KCNJ3: variants seen among roughly 807,000 people sequenced by gnomAD.
The protein encoded by KCNJ3 is G protein-activated inward rectifier potassium channel 1.
Under a neutral mutation model 39.2 loss-of-function variants are expected in KCNJ3, and 4 were observed. That is an observed-to-expected ratio of 0.10 (90% CI 0.05 to 0.23). The LOEUF is 0.23. KCNJ3 is among the 10% of genes least tolerant of loss of function. The pLI is 1.00. For synonymous variants in KCNJ3, 230 were observed against 237.4 expected (o/e 0.97, Z 0.29); for missense variants, 276 against 634.9 (o/e 0.43, Z 6.08).
intron 2 of KCNJ3, among the ~76,000 whole-genome samples, chr2:154,837,782 T>C (rs769589376): frequency 1.2e-4 from 19 of 152,210 alleles, no homozygotes; most frequent in Admixed American, 6.5e-5. Context: ...TGTTGACTGG[T>C]GATGCCTTTG....
At chr2:154,769,476 T>A (rs1371300892) in intron 2 of KCNJ3, among the ~76,000 whole-genome samples, 2 of 152,192 alleles carry the variant, frequency 1.3e-5, no homozygotes, top group Non-Finnish European at 2.9e-5. Flanking sequence ...TCTGTTTATA[T>A]GATGGATTAT....
chr2:154,755,262 T>C (rs1437096297), intron 2 of KCNJ3, among the ~76,000 whole-genome samples: 1 of 152,140 alleles, frequency 6.6e-6, no homozygotes, highest in Non-Finnish European at 1.5e-5. Context: ...TTGTTCTTTC[T>C]TCTACTTCTT....
chr2:154,756,895 G>A (rs1685946647), intron 2 of KCNJ3, among the ~76,000 whole-genome samples: 2 of 151,996 alleles, frequency 1.3e-5, no homozygotes, highest in Admixed American at 1.3e-4. Flanking sequence ...TGTAGAAAGA[G>A]CATAAGATAT....
chr2:154,792,817 T>G (rs1686658110), intron 2 of KCNJ3, among the ~76,000 whole-genome samples: 1 of 152,160 alleles, frequency 6.6e-6, no homozygotes, highest in Non-Finnish European at 1.5e-5. Context: ...TTTATCATGC[T>G]GTCAACCATA....
intron 2 of KCNJ3, among the ~76,000 whole-genome samples, chr2:154,734,658 T>TG (rs1398669036): frequency 6.6e-6 from 1 of 152,186 alleles, no homozygotes; most frequent in Non-Finnish European, 1.5e-5. Context: ...TCATGCCTAC[T>TG]GTTCTGTCCA....
chr2:154,800,401 A>G (rs539333776), intron 2 of KCNJ3, among the ~76,000 whole-genome samples: 2 of 152,256 alleles, frequency 1.3e-5, no homozygotes, highest in African/African-American at 4.8e-5. Context: ...GTAAATTCTC[A>G]TTAAGTATTT....
At chr2:154,727,609 A>AAG (rs929585113) in intron 2 of KCNJ3, among the ~76,000 whole-genome samples, 5 of 151,046 alleles carry the variant, frequency 3.3e-5, no homozygotes, top group East Asian at 1.9e-4. Flanking sequence ...AAAAAAAAAA[A>AAG]AGAGAGAAAA....
chr2:154,768,809 C>T (rs537561537), intron 2 of KCNJ3, among the ~76,000 whole-genome samples: 1 of 152,194 alleles, frequency 6.6e-6, no homozygotes, highest in East Asian at 1.9e-4. Context: ...TTGATTCTTC[C>T]TATCCATGAG....
intron 2 of KCNJ3, among the ~76,000 whole-genome samples, chr2:154,792,458 G>C (rs1411272264): frequency 6.6e-6 from 1 of 152,074 alleles, no homozygotes; most frequent in Non-Finnish European, 1.5e-5. Context: ...TGACCCAGGA[G>C]TCCTGTGTCT....
chr2:154,705,851 C>A (rs1048755013), intron 1 of KCNJ3, among the ~76,000 whole-genome samples: 2 of 151,972 alleles, frequency 1.3e-5, no homozygotes, highest in African/African-American at 4.8e-5. Context: ...TTTTGTAATG[C>A]AATCAACAAG....
chr2:154,828,919 G>A (rs957263886), intron 2 of KCNJ3, among the ~76,000 whole-genome samples: 2 of 152,000 alleles, frequency 1.3e-5, no homozygotes, highest in Non-Finnish European at 2.9e-5. Context: ...TATTATGCCA[G>A]GTATGTGCTC....
At chr2:154,806,023 T>C (rs1379883258) in intron 2 of KCNJ3, among the ~76,000 whole-genome samples, 1 of 152,206 alleles carries the variant, frequency 6.6e-6, no homozygotes, top group Non-Finnish European at 1.5e-5. Flanking sequence ...GTGCTTTTTG[T>C]CAAATTATAA....
At chr2:154,836,246 A>G (rs1371631633) in intron 2 of KCNJ3, among the ~76,000 whole-genome samples, 1 of 151,568 alleles carries the variant, frequency 6.6e-6, no homozygotes, top group Admixed American at 6.6e-5. Context: ...AAAAACAAAA[A>G]AAAACAACTA....
intron 2 of KCNJ3, among the ~76,000 whole-genome samples, chr2:154,760,662 T>C (rs1686021659): frequency 6.6e-6 from 1 of 151,740 alleles, no homozygotes; most frequent in African/African-American, 2.4e-5. Context: ...GAACTGATCC[T>C]TTCACTTCAG....
intron 2 of KCNJ3, among the ~76,000 whole-genome samples, chr2:154,749,258 A>AC (rs1171797887): frequency 6.6e-5 from 10 of 151,832 alleles, no homozygotes; most frequent in South Asian, 2.1e-4. Flanking sequence ...ATACCAAGAG[A>AC]CCCCCCTCAA....
chr2:154,749,598 A>G (rs1398775006), intron 2 of KCNJ3, among the ~76,000 whole-genome samples: 1 of 151,994 alleles, frequency 6.6e-6, no homozygotes, highest in Non-Finnish European at 1.5e-5. Flanking sequence ...GCTTTCCTTT[A>G]TTTTAAAATG....
intron 2 of KCNJ3, among the ~76,000 whole-genome samples, chr2:154,821,315 G>A (rs533635990): frequency 6.6e-6 from 1 of 152,282 alleles, no homozygotes; most frequent in Non-Finnish European, 1.5e-5. Flanking sequence ...CTGGATGTGA[G>A]AGTCAAGACA....
intron 2 of KCNJ3, among the ~76,000 whole-genome samples, chr2:154,711,586 G>A (rs911273985): frequency 1.3e-5 from 2 of 152,072 alleles, no homozygotes; most frequent in Admixed American, 6.5e-5. Flanking sequence ...GTCTGAAGAT[G>A]TTATAGTTCT....
intron 2 of KCNJ3, among the ~76,000 whole-genome samples, chr2:154,783,064 G>A (rs887514187): frequency 6.6e-6 from 1 of 152,050 alleles, no homozygotes; most frequent in African/African-American, 2.4e-5. Flanking sequence ...TGTATTCCCA[G>A]CTACTCGGGA....
Sources: allele counts gnomAD v4.1 joint callset (sites outside exome capture counted in the v4.1 genomes callset), GRCh38; gene constraint gnomAD v4.1.1; transcripts MANE v1.5; gene names NCBI Gene and HGNC (gene_info 2026-07-23, HGNC 2026-07-21).